Variants in SGCZ observed in about 807,000 individuals in gnomAD.
The protein encoded by SGCZ is zeta-sarcoglycan.
A neutral mutation model predicts 41.3 loss-of-function variants in SGCZ; 40 were observed. That is an observed-to-expected ratio of 0.97 (90% CI 0.75 to 1.26). The LOEUF is 1.26. Among genes scored for constraint, SGCZ ranks in the 50% most tolerant of loss-of-function variants. The pLI is 0.00. For missense variants in SGCZ, 552 were observed against 369.8 expected, an observed-to-expected ratio of 1.49 and a Z score of -4.04; for synonymous variants, 206 against 137.5, an observed-to-expected ratio of 1.50 and a Z score of -3.49.
intron 1 of SGCZ, among the ~76,000 whole-genome samples, chr8:15,002,987 C>T (rs531148492): frequency 6.6e-6 from 1 of 151,822 alleles, no homozygotes; most frequent in South Asian, 2.1e-4. Flanking sequence ...AGTTCCCCTG[C>T]ACGTGCTCTC....
intron 1 of SGCZ, among the ~76,000 whole-genome samples, chr8:15,233,333 A>G (rs1325912991): frequency 1.3e-5 from 2 of 148,988 alleles, no homozygotes; most frequent in Non-Finnish European, 3.0e-5. Flanking sequence ...ACAAACCAAA[A>G]AAAAAAAAAA....
chr8:14,983,196 T>C (rs1801726242), intron 1 of SGCZ, among the ~76,000 whole-genome samples: 1 of 151,528 alleles, frequency 6.6e-6, no homozygotes, highest in Non-Finnish European at 1.5e-5. Context: ...TTTTTTCTTT[T>C]TTTTTTTGAG....
intron 1 of SGCZ, among the ~76,000 whole-genome samples, chr8:15,208,137 A>G (rs1320261305): frequency 6.6e-6 from 1 of 152,262 alleles, no homozygotes; most frequent in Admixed American, 6.5e-5. Flanking sequence ...ACAGTGAGAA[A>G]TAATGCCTTT....
intron 1 of SGCZ, among the ~76,000 whole-genome samples, chr8:14,807,807 A>T (rs1341689931): frequency 6.6e-6 from 1 of 152,228 alleles, no homozygotes; most frequent in Non-Finnish European, 1.5e-5. Context: ...AGCTGGAGGC[A>T]TCACACTATC....
chr8:14,373,106 G>C (rs897498694), intron 2 of SGCZ, among the ~76,000 whole-genome samples: 1 of 152,160 alleles, frequency 6.6e-6, no homozygotes, highest in South Asian at 2.1e-4. Context: ...AATGAGGCTA[G>C]GAAAAGGATG....
intron 1 of SGCZ, among the ~76,000 whole-genome samples, chr8:14,668,096 A>G (rs1247256572): frequency 2.0e-5 from 3 of 152,026 alleles, no homozygotes; most frequent in African/African-American, 7.2e-5. Context: ...GGCTGGGATT[A>G]CAGGCACCCC....
At chr8:14,575,932 A>G (rs13276807) in intron 1 of SGCZ, among the ~76,000 whole-genome samples, 25,976 of 136,538 alleles carry the variant, frequency 0.19, 1,950 homozygotes, top group Non-Finnish European at 0.25. Flanking sequence ...AAAAAAAAAA[A>G]AAAGAAAGAA....
chr8:14,181,404 A>C (rs1419220708), intron 4 of SGCZ, among the ~76,000 whole-genome samples: 1 of 152,230 alleles, frequency 6.6e-6, no homozygotes. Flanking sequence ...AAGAAATAGT[A>C]ATACAACTCA....
intron 1 of SGCZ, among the ~76,000 whole-genome samples, chr8:15,106,091 C>T (rs188821232): frequency 5.7e-4 from 87 of 152,230 alleles, no homozygotes; most frequent in African/African-American, 1.8e-3. Context: ...TAATATCTAG[C>T]ATTCCTATTC....
chr8:14,522,488 T>C (rs1336650502), intron 2 of SGCZ, among the ~76,000 whole-genome samples: 1 of 152,020 alleles, frequency 6.6e-6, no homozygotes, highest in Non-Finnish European at 1.5e-5. Flanking sequence ...ATAATTCGTC[T>C]ATTTCAACTA....
intron 1 of SGCZ, among the ~76,000 whole-genome samples, chr8:14,613,668 A>G (rs1177880701): frequency 6.6e-6 from 1 of 152,182 alleles, no homozygotes; most frequent in Non-Finnish European, 1.5e-5. Flanking sequence ...TATGCAAACT[A>G]CTGTTAAAAT....
intron 1 of SGCZ, among the ~76,000 whole-genome samples, chr8:15,063,222 T>C (rs1163496372): frequency 1.3e-5 from 2 of 152,178 alleles, no homozygotes; most frequent in Non-Finnish European, 2.9e-5. Context: ...TCCAGAGAAA[T>C]TGACTATAGT....
chr8:14,881,629 G>C (rs1473883181), intron 1 of SGCZ, among the ~76,000 whole-genome samples: 2 of 152,076 alleles, frequency 1.3e-5, no homozygotes, highest in Non-Finnish European at 2.9e-5. Context: ...CACAATAATA[G>C]TGGGAGACTT....
chr8:14,437,156 A>C (rs1384502012), intron 2 of SGCZ, among the ~76,000 whole-genome samples: 1 of 152,198 alleles, frequency 6.6e-6, no homozygotes, highest in Non-Finnish European at 1.5e-5. Flanking sequence ...TGATATTTAC[A>C]AAATTTTTAA....
chr8:14,366,652 C>T (rs1193541911), intron 2 of SGCZ, among the ~76,000 whole-genome samples: 3 of 152,102 alleles, frequency 2.0e-5, no homozygotes, highest in African/African-American at 7.2e-5. Context: ...AGTCAAAAGT[C>T]CCATCTGAGA....
intron 1 of SGCZ, among the ~76,000 whole-genome samples, chr8:14,860,001 G>C (rs1023850936): frequency 6.6e-6 from 1 of 152,076 alleles, no homozygotes; most frequent in Non-Finnish European, 1.5e-5. Context: ...GAAAGCAAAA[G>C]TAAAAGATAA....
intron 1 of SGCZ, among the ~76,000 whole-genome samples, chr8:14,673,460 C>G (rs1197601181): frequency 6.6e-6 from 1 of 152,044 alleles, no homozygotes; most frequent in Non-Finnish European, 1.5e-5. Context: ...CTCTCTCTCT[C>G]TCTCACTCTC....
At chr8:14,259,076 T>C (rs1054244060) in intron 3 of SGCZ, among the ~76,000 whole-genome samples, 1 of 152,184 alleles carries the variant, frequency 6.6e-6, no homozygotes, top group Non-Finnish European at 1.5e-5. Flanking sequence ...TTTTATGTTA[T>C]GAAAAAAGGC....
intron 1 of SGCZ, among the ~76,000 whole-genome samples, chr8:14,854,021 T>TATA (rs1554512085): frequency 1.9e-5 from 2 of 107,674 alleles, no homozygotes; most frequent in African/African-American, 3.1e-5. Context: ...TGTGATTATA[T>TATA]TATATATATA....
Sources: gnomAD v4.1 joint callset for allele counts (sites outside exome capture counted in the v4.1 genomes callset) on GRCh38, gnomAD v4.1.1 for gene constraint, MANE v1.5 for transcripts, NCBI Gene and HGNC (gene_info 2026-07-23, HGNC 2026-07-21) for gene names.